Variants in CLBA1 observed in about 807,000 individuals in gnomAD.
CLBA1 encodes the protein clathrin binding box of aftiphilin containing 1, also known as uncharacterized protein CLBA1.
A neutral mutation model predicts 28.8 loss-of-function variants in CLBA1; 30 were observed. The ratio of observed to expected loss-of-function variants is 1.04; its 90% CI spans 0.78 to 1.41. The LOEUF (loss-of-function observed/expected upper bound fraction) is 1.41. Among genes scored for constraint, CLBA1 ranks in the 40% most tolerant of loss-of-function variants. CLBA1 has a pLI of 0.00. For synonymous variants in CLBA1, 160 were observed against 152.8 expected (o/e 1.05, Z -0.35); for missense variants, 451 against 412.3 (o/e 1.09, Z -0.81).
intron 1 of CLBA1, 88 bp downstream of exon 1, chr14:104,986,942 C>G: frequency 6.8e-7 from 1 of 1,467,140 alleles, no homozygotes; most frequent in East Asian, 2.3e-5. Context: ...GGCGTGCTGG[C>G]CAGGGAGGGG....
At chr14:104,989,753 G>T (rs999396389) in intron 2 of CLBA1, 9 of 450,642 alleles carry the variant, frequency 2.0e-5, no homozygotes, top group Non-Finnish European at 4.0e-5. Context: ...GTGAAGGTTG[G>T]GGTGAGCTAG....
downstream of CLBA1, among the ~76,000 whole-genome samples, chr14:104,997,292 C>T (rs112824268): frequency 2.0e-5 from 3 of 152,142 alleles, no homozygotes; most frequent in Middle Eastern, 3.2e-3. Context: ...GATCAGTTAA[C>T]TTGAAGATTG....
downstream of CLBA1, among the ~76,000 whole-genome samples, chr14:105,000,002 C>T (rs187181961): frequency 7.7e-4 from 118 of 152,262 alleles, 1 homozygote; most frequent in Admixed American, 2.0e-3. Flanking sequence ...TAAGTGAAGA[C>T]GTAAGAGCAT....
chr14:104,988,833 G>T, intron 1 of CLBA1, 110 bp from the exon 2 acceptor site: 1 of 1,136,980 alleles, frequency 8.8e-7, no homozygotes, highest in Non-Finnish European at 1.2e-6. Flanking sequence ...AACACTAATG[G>T]TATGATCAAT....
At position 104,992,953 on chromosome 14, in the gene CLBA1, T is replaced by C; in HGVS notation, c.705T>C (p.Leu235=). ...VLGIDAAQKN[L]SGGQGHIMED... ...GATGGGGTCTGTCTCCTTAGAACCT[T>C]TCTGGAGGCCAGGGCCACATCATGG... Residue 235 remains leucine, a synonymous_variant, in exon 4 of 5, where the codon CTT becomes CTC. Coordinates refer to ENST00000547315, the MANE Select transcript of CLBA1 (RefSeq NM_174891.4). 1.9e-6 allele frequency: 3 copies of C among 1,613,412 alleles called. No homozygotes were observed. Among genetic ancestry groups the C allele is most frequent in the Non-Finnish European group, 2.5e-6 (3 of 1,179,374 alleles).
chr14:104,993,712 G>C, intron 4 of CLBA1: 5 of 985,456 alleles, frequency 5.1e-6, no homozygotes, highest in Non-Finnish European at 6.0e-6. Context: ...GGAGGGGTGA[G>C]ATGGCCAGGC....
At chr14:104,989,127 T>G in intron 2 of CLBA1, 39 bp downstream of exon 2, 1 of 1,591,346 alleles carries the variant, frequency 6.3e-7, no homozygotes, top group Non-Finnish European at 8.6e-7. Flanking sequence ...GCAACTGCTT[T>G]TGTACTTTTG....
rs1292536006 is a variant in CLBA1 at position 104,994,922 on chromosome 14, T to C, written c.*163T>C. The C allele has an allele frequency of 7.3e-7, 1 of 1,361,920 alleles. No homozygotes were observed. The highest frequency in any genetic ancestry group is 9.4e-7 in the Non-Finnish European group (1 of 1,060,222). The allele number at this position is 1,361,920 out of a possible 1,614,324, so 84.4% of individuals were successfully genotyped here. ...CTGTGTTCTGGGCTTGTCTCGGGTC[T>C]GACCAGGAGATGGAGGATGTGTCCT... On this transcript the variant is annotated 3_prime_UTR_variant, in exon 5 of 5. Transcript: ENST00000547315.
At chr14:104,991,310 C>G in intron 2 of CLBA1, 181 bp from the exon 3 acceptor site, 2 of 580,934 alleles carry the variant, frequency 3.4e-6, no homozygotes, top group Non-Finnish European at 5.8e-6. Context: ...AGGCGTGAGC[C>G]ACTGTGCCCA....
intron 2 of CLBA1, chr14:104,989,833 C>T: frequency 2.5e-6 from 1 of 401,978 alleles, no homozygotes; most frequent in Non-Finnish European, 5.1e-6. Context: ...GGTCAGCCTG[C>T]TGATTTTTGT....
intron 1 of CLBA1, among the ~76,000 whole-genome samples, chr14:104,987,652 CTG>C (rs1249405751): frequency 9.1e-6 from 1 of 110,402 alleles, no homozygotes; most frequent in Non-Finnish European, 1.7e-5. Context: ...CAGCCTCACT[CTG>C]TCGCTGAGGC....
chr14:104,994,029 G>A (rs1900107051), intron 4 of CLBA1: 4 of 984,742 alleles, frequency 4.1e-6, no homozygotes, highest in African/African-American at 1.7e-5. Context: ...TTCCCTGGAT[G>A]ATCAGCACAC....
chr14:104,992,408 T>TGGAAAACTCAAACAAC (rs1218174125), intron 3 of CLBA1, among the ~76,000 whole-genome samples: 6 of 152,258 alleles, frequency 3.9e-5, no homozygotes, highest in African/African-American at 1.2e-4. Context: ...TATGGAAATT[T>TGGAAAACTCAAACAAC]TCAAACATGG....
Position 104,993,188 on chromosome 14 carries a change from C to T in CLBA1, c.816+124C>T, listed in dbSNP as rs148860636. On this transcript the variant is annotated intron_variant, in intron 4 of 4. Coordinates refer to ENST00000547315, the MANE Select transcript of CLBA1 (RefSeq NM_174891.4). ...TCTTCCTTTAAGTCTTGTGGACTTC[C>T]AGAAAACAAACATTTGTGCTATTTA... The T allele has an allele frequency of 3.0e-4, 454 of 1,513,618 alleles. 2 individuals carry two copies. The African/African-American group carries it at 5.9e-3, about 20-fold the overall frequency. 93.8% of individuals were successfully genotyped at this position (1,513,618 alleles called of 1,614,324 possible).
intron 3 of CLBA1, 117 bp from the exon 4 acceptor site, chr14:104,992,830 AG>A (rs1900071890): frequency 2.3e-6 from 2 of 859,160 alleles, no homozygotes; most frequent in Admixed American, 1.8e-5. Context: ...TGACCTTGAG[AG>A]GGGCCTGAGA....
At chr14:104,992,824 C>T in intron 3 of CLBA1, 124 bp from the exon 4 acceptor site, 1 of 847,018 alleles carries the variant, frequency 1.2e-6, no homozygotes, top group Non-Finnish European at 2.0e-6. Flanking sequence ...GTGCGCTGAC[C>T]TTGAGAGGGG....
intron 3 of CLBA1, among the ~76,000 whole-genome samples, 172 bp downstream of exon 3, chr14:104,991,792 T>C (rs1424143568): frequency 6.6e-6 from 1 of 152,062 alleles, no homozygotes; most frequent in Admixed American, 6.5e-5. Flanking sequence ...GACTCCCGAA[T>C]GCTTGAGGCA....
downstream of CLBA1, among the ~76,000 whole-genome samples, chr14:104,998,033 G>T (rs992860964): frequency 1.3e-5 from 2 of 149,206 alleles, no homozygotes; most frequent in Admixed American, 6.6e-5. Flanking sequence ...AGAAAGAAAA[G>T]AAAAAAATAT....
intron 4 of CLBA1, chr14:104,993,640 C>T (rs1900097652): frequency 2.0e-6 from 2 of 985,422 alleles, no homozygotes; most frequent in East Asian, 1.1e-4. Flanking sequence ...TCTCTTTTAT[C>T]AGGGGGAAGA....
Sources: gnomAD v4.1 joint callset for allele counts (sites outside exome capture counted in the v4.1 genomes callset) on GRCh38, gnomAD v4.1.1 for gene constraint, MANE v1.5 for transcripts, NCBI Gene and HGNC (gene_info 2026-07-23, HGNC 2026-07-21) for gene names.